Variants in ZNF385D observed in about 807,000 individuals in gnomAD.
ZNF385D encodes the protein zinc finger protein 385D.
Under a neutral mutation model 35.8 loss-of-function variants are expected in ZNF385D, and 15 were observed. The ratio of observed to expected loss-of-function variants is 0.42; its 90% CI spans 0.28 to 0.64. The LOEUF (loss-of-function observed/expected upper bound fraction) is 0.64. Among genes scored for constraint, ZNF385D ranks in the 30% least tolerant of loss-of-function variants. ZNF385D has a pLI of 0.23. For synonymous variants in ZNF385D, 212 were observed against 186.8 expected, an observed-to-expected ratio of 1.13 and a Z score of -1.10; for missense variants, 474 against 494.6, an observed-to-expected ratio of 0.96 and a Z score of 0.39.
intron 3 of ZNF385D, among the ~76,000 whole-genome samples, chr3:21,931,102 T>C (rs1700984410): frequency 6.6e-6 from 1 of 152,066 alleles, no homozygotes. Flanking sequence ...AATTTTTCAA[T>C]CCAATAATAA....
At chr3:22,091,125 A>G (rs1286508039) in intron 3 of ZNF385D, among the ~76,000 whole-genome samples, 1 of 152,164 alleles carries the variant, frequency 6.6e-6, no homozygotes, top group Non-Finnish European at 1.5e-5. Context: ...GAAACTAACT[A>G]GAGATTTCAG....
In ZNF385D at chr3:22,102,909, C is replaced by CAAAAA; in HGVS notation, c.325+65907_325+65908insTTTTT. 3.5e-5 allele frequency among the ~76,000 whole-genome samples: 5 copies of CAAAAA among 143,242 alleles called. 2 individuals carry two copies. The highest frequency in any genetic ancestry group is 1.3e-4 in the African/African-American group (5 of 39,102). 94.0% of individuals were successfully genotyped at this position (143,242 alleles called of 152,430 possible). A position where few individuals can be genotyped will look rare whatever the true frequency, so the allele number is the denominator to read the frequency against. On this transcript the variant is annotated intron_variant, in intron 3 of 5. Transcript: ENST00000494108. Reference sequence around the variant, plus strand: ...GAATTTATCAGGGAAAAAAAAAAACCAACAAGTTCTCACGTATGTCCCTCA... The same window carrying CAAAAA: ...GAATTTATCAGGGAAAAAAAAAAACCAAAAAAACAAGTTCTCACGTATGTCCCTCA...
chr3:22,352,200 AAAATTG>A (rs1384475270), intron 2 of ZNF385D, among the ~76,000 whole-genome samples: 2 of 152,202 alleles, frequency 1.3e-5, no homozygotes, highest in Non-Finnish European at 2.9e-5. Flanking sequence ...ATGTGAAAGC[AAAATTG>A]AAGAAAAAAG....
At chr3:21,593,816 G>T (rs1200180439) in intron 2 of ZNF385D, among the ~76,000 whole-genome samples, 1 of 143,080 alleles carries the variant, frequency 7.0e-6, no homozygotes, top group Non-Finnish European at 1.5e-5. Context: ...AGAAACTGTT[G>T]AAAAATAAGA....
chr3:21,766,685 T>C (rs2070844497), intron 3 of ZNF385D, among the ~76,000 whole-genome samples: 1 of 151,902 alleles, frequency 6.6e-6, no homozygotes, highest in Non-Finnish European at 1.5e-5. Flanking sequence ...ATAAGGAAGG[T>C]CAAGAAGAGT....
intron 1 of ZNF385D, among the ~76,000 whole-genome samples, chr3:21,744,376 C>G (rs936935297): frequency 1.3e-5 from 2 of 152,158 alleles, no homozygotes; most frequent in African/African-American, 4.8e-5. Context: ...TCAGCAAAAT[C>G]CATGAATATG....
rs972122271 is a variant in ZNF385D at position 22,122,003 on chromosome 3, C to G, written c.325+46814G>C. ...TAATTCAAACTGGCTAGCTAACAAC[C>G]TGATCATTACTGAGATGACACCAGC... On this transcript the variant is annotated intron_variant, in intron 3 of 5. Coordinates refer to the ZNF385D transcript ENST00000494108. Among the ~76,000 whole-genome samples, 3 of 152,114 alleles carry G rather than the reference C, an allele frequency of 2.0e-5. No homozygotes were observed. In the South Asian group the frequency reaches 6.2e-4, roughly 32 times the overall value.
At chr3:22,091,677 A>G (rs1701339153) in intron 3 of ZNF385D, among the ~76,000 whole-genome samples, 1 of 152,216 alleles carries the variant, frequency 6.6e-6, no homozygotes, top group Non-Finnish European at 1.5e-5. Flanking sequence ...GTCCACAGAC[A>G]CAGAGCCCCC....
chr3:22,272,200 A>G (rs1269645376), intron 2 of ZNF385D, among the ~76,000 whole-genome samples: 1 of 152,034 alleles, frequency 6.6e-6, no homozygotes, highest in Non-Finnish European at 1.5e-5. Flanking sequence ...GAGGGCTAGG[A>G]CTTTCACATT....
intron 3 of ZNF385D, among the ~76,000 whole-genome samples, chr3:21,834,088 G>GA (rs1353960630): frequency 4.6e-5 from 7 of 151,830 alleles, no homozygotes; most frequent in Non-Finnish European, 1.0e-4. Flanking sequence ...TGGACAATAA[G>GA]AAAAAAAGGG....
chr3:21,447,419 A>G (rs981314807), intron 4 of ZNF385D, among the ~76,000 whole-genome samples: 2 of 152,206 alleles, frequency 1.3e-5, no homozygotes, highest in African/African-American at 2.4e-5. Context: ...TTTCAGAGGA[A>G]AAAAATACTG....
intron 2 of ZNF385D, among the ~76,000 whole-genome samples, chr3:22,195,126 C>A (rs570942576): frequency 2.0e-4 from 31 of 151,956 alleles, no homozygotes; most frequent in African/African-American, 7.5e-4. Flanking sequence ...TTGTCATTAG[C>A]AGTTTGTATC....
At chr3:21,933,125 A>G (rs190697314) in intron 3 of ZNF385D, among the ~76,000 whole-genome samples, 4 of 152,290 alleles carry the variant, frequency 2.6e-5, no homozygotes, top group African/African-American at 9.6e-5. Flanking sequence ...AGGACTTACA[A>G]TAGAAAAACT....
At chr3:22,228,964 A>G (rs1464506912) in intron 2 of ZNF385D, among the ~76,000 whole-genome samples, 3 of 152,196 alleles carry the variant, frequency 2.0e-5, no homozygotes, top group Non-Finnish European at 4.4e-5. Flanking sequence ...TGAATGCTGC[A>G]CTGTTCTCCT....
chr3:21,770,024 G>A (rs2071007286), intron 3 of ZNF385D, among the ~76,000 whole-genome samples: 1 of 152,252 alleles, frequency 6.6e-6, no homozygotes, highest in East Asian at 1.9e-4. Context: ...TGGGAAAACT[G>A]GCTTGCCATA....
At chr3:21,971,111 G>A (rs1006570232) in intron 3 of ZNF385D, among the ~76,000 whole-genome samples, 3 of 151,902 alleles carry the variant, frequency 2.0e-5, no homozygotes, top group Admixed American at 1.3e-4. Context: ...TGAGTAATAG[G>A]AAATCATCTG....
intron 4 of ZNF385D, among the ~76,000 whole-genome samples, chr3:21,473,967 T>TTA (rs953009521): frequency 5.3e-5 from 8 of 151,922 alleles, no homozygotes; most frequent in Admixed American, 1.3e-4. Context: ...ATATGCCTTG[T>TTA]TATATATATA....
At chr3:22,149,836 CT>C (rs368936962) in intron 3 of ZNF385D, among the ~76,000 whole-genome samples, 43 of 151,952 alleles carry the variant, frequency 2.8e-4, no homozygotes, top group Middle Eastern at 3.4e-3. Flanking sequence ...AAGTCTCAGA[CT>C]TTTTTTTGTC....
At chr3:21,886,695 T>C (rs1367942886) in intron 3 of ZNF385D, among the ~76,000 whole-genome samples, 1 of 152,158 alleles carries the variant, frequency 6.6e-6, no homozygotes, top group African/African-American at 2.4e-5. Context: ...TATATATTTA[T>C]GTGATAGCAT....
Sources: allele counts gnomAD v4.1 joint callset (sites outside exome capture counted in the v4.1 genomes callset), GRCh38; gene constraint gnomAD v4.1.1; transcripts MANE v1.5; gene names NCBI Gene and HGNC (gene_info 2026-07-23, HGNC 2026-07-21).